Variants in KMO observed in about 807,000 individuals in gnomAD.
KMO encodes the protein kynurenine 3-hydroxylase.
KMO carries 24 observed loss-of-function variants against 57.8 expected under a neutral mutation model. The observed-to-expected ratio is 0.42, with a 90% confidence interval of 0.30 to 0.58. KMO has a LOEUF of 0.58. Among genes scored for constraint, KMO ranks in the 20% least tolerant of loss-of-function variants. The pLI is 0.22. For missense variants in KMO, 483 were observed against 588.2 expected (o/e 0.82, Z 1.85); for synonymous variants, 210 against 193.6 (o/e 1.08, Z -0.70).
intron 10 of KMO, among the ~76,000 whole-genome samples, chr1:241,578,921 G>A (rs1236215300): frequency 6.6e-6 from 1 of 152,070 alleles, no homozygotes; most frequent in Non-Finnish European, 1.5e-5. Flanking sequence ...TGAGAGCCAA[G>A]TGAAAGGGTT....
rs1171178139 is a variant in KMO, at chr1:241,595,484, G to A, written c.*3331G>A. 1 of 152,202 alleles carries A rather than the reference G, an allele frequency of 6.6e-6. No homozygotes were observed. The highest frequency in any genetic ancestry group is 2.4e-5 in the African/African-American group (1 of 41,446). 9.4% of individuals were successfully genotyped at this position (152,202 alleles called of 1,614,324 possible). A position where few individuals can be genotyped will look rare whatever the true frequency, so the allele number is the denominator to read the frequency against. ...AAACTCTGTATTAATTCACTGAAAT[G>A]TTGGGGTTGCTTGTTATAGTAGTCG... On this transcript the variant is annotated 3_prime_UTR_variant, in exon 15 of 15. Coordinates refer to ENST00000366559, the MANE Select transcript of KMO (RefSeq NM_003679.5).
Position 241,548,907 on chromosome 1 carries a change from A to T in KMO, c.124+9A>T. On this transcript the variant is annotated intron_variant, in intron 2 of 14. Transcript: ENST00000366559. ...ATATGAAGCTAGGGAAGGTACGTCC[A>T]TGGTGAAAAAAGCAGGATGAACGCT... The T allele has an allele frequency of 6.3e-7, 1 of 1,593,868 alleles. No homozygotes were observed. The highest frequency in any genetic ancestry group is 8.6e-7 in the Non-Finnish European group (1 of 1,162,304).
chr1:241,588,231 T>C (rs1663088452), intron 11 of KMO, among the ~76,000 whole-genome samples: 1 of 151,852 alleles, frequency 6.6e-6, no homozygotes, highest in Non-Finnish European at 1.5e-5. Context: ...AAGTTCATAG[T>C]ATATGTTTGC....
chr1:241,541,443 G>T (rs1660955158), intron 1 of KMO, among the ~76,000 whole-genome samples: 1 of 152,190 alleles, frequency 6.6e-6, no homozygotes, highest in Non-Finnish European at 1.5e-5. Flanking sequence ...ATGGGAATAA[G>T]TCAACTTTTA....
chr1:241,562,583 T>C (rs895339652), intron 7 of KMO, among the ~76,000 whole-genome samples: 1 of 152,188 alleles, frequency 6.6e-6, no homozygotes, highest in Non-Finnish European at 1.5e-5. Context: ...CTCATGCCTG[T>C]AATCCCAGCA....
chr1:241,537,990 G>T (rs545815635), intron 1 of KMO, among the ~76,000 whole-genome samples: 3 of 152,230 alleles, frequency 2.0e-5, no homozygotes, highest in Non-Finnish European at 4.4e-5. Context: ...GCAAGGAGAT[G>T]GAAGAACAGC....
chr1:241,569,770 C>A (rs1662210443), intron 10 of KMO, among the ~76,000 whole-genome samples: 1 of 152,000 alleles, frequency 6.6e-6, no homozygotes, highest in Admixed American at 6.6e-5. Flanking sequence ...ATTTATACTC[C>A]CACCAAACGA....
At chr1:241,549,237 GAAAGAAAGAAAGAAA>G (rs1558414805) in intron 2 of KMO, among the ~76,000 whole-genome samples, 761 of 15,342 alleles carry the variant, frequency 0.05, 41 homozygotes, top group African/African-American at 0.082. Flanking sequence ...AAGAAAGAAA[GAAAGAAAGAAAGAAA>G]GAAAGAAAGA....
chr1:241,550,907 A>T, intron 3 of KMO, 48 bp from the exon 4 acceptor site: 1 of 826,408 alleles, frequency 1.2e-6, no homozygotes, highest in East Asian at 2.9e-5. Context: ...TTTCTTGCAT[A>T]ATGCCATGTT....
At chr1:241,561,342 C>A (rs1195284999) in intron 6 of KMO, among the ~76,000 whole-genome samples, 1 of 152,196 alleles carries the variant, frequency 6.6e-6, no homozygotes, top group Non-Finnish European at 1.5e-5. Flanking sequence ...ACCTACTTCT[C>A]CCAAATCACA....
At chr1:241,548,305 G>A (rs1661230583) in intron 1 of KMO, among the ~76,000 whole-genome samples, 1 of 152,074 alleles carries the variant, frequency 6.6e-6, no homozygotes, top group Non-Finnish European at 1.5e-5. Context: ...TAAAATTAAA[G>A]TATATTGCTT....
At chr1:241,558,501 C>T (rs1341892020) in intron 5 of KMO, among the ~76,000 whole-genome samples, 3 of 152,162 alleles carry the variant, frequency 2.0e-5, no homozygotes, top group Non-Finnish European at 2.9e-5. Context: ...GATTTCCCTA[C>T]GTCGGCATTT....
intron 10 of KMO, among the ~76,000 whole-genome samples, chr1:241,569,601 T>C (rs905203159): frequency 6.6e-6 from 1 of 152,192 alleles, no homozygotes; most frequent in Non-Finnish European, 1.5e-5. Context: ...CTATTGTGAA[T>C]AGTGCTGCAA....
chr1:241,581,006 C>T (rs1354863963), intron 10 of KMO, among the ~76,000 whole-genome samples: 2 of 152,012 alleles, frequency 1.3e-5, no homozygotes, highest in African/African-American at 4.8e-5. Flanking sequence ...TATCTGGGTG[C>T]TCCTGTGTTG....
intron 1 of KMO, among the ~76,000 whole-genome samples, chr1:241,547,404 ACT>A (rs1661190273): frequency 6.6e-6 from 1 of 152,034 alleles, no homozygotes; most frequent in South Asian, 2.1e-4. Context: ...CTATATTCAG[ACT>A]CTATGAACAA....
At chr1:241,567,291 G>A (rs1662119171) in intron 9 of KMO, among the ~76,000 whole-genome samples, 1 of 152,220 alleles carries the variant, frequency 6.6e-6, no homozygotes, top group Non-Finnish European at 1.5e-5. Flanking sequence ...GCTGAGAAGT[G>A]TAAGATCAAG....
At chr1:241,575,734 T>C (rs981795085) in intron 10 of KMO, among the ~76,000 whole-genome samples, 2 of 152,090 alleles carry the variant, frequency 1.3e-5, no homozygotes, top group African/African-American at 4.8e-5. Flanking sequence ...ATGAGAAGAA[T>C]GTACATTCTG....
intron 10 of KMO, among the ~76,000 whole-genome samples, chr1:241,570,979 C>A (rs1318686305): frequency 1.3e-5 from 2 of 151,972 alleles, no homozygotes; most frequent in Non-Finnish European, 2.9e-5. Context: ...TTATAGTTTT[C>A]ATTGTAGAGA....
intron 1 of KMO, among the ~76,000 whole-genome samples, chr1:241,538,539 G>A (rs1331115372): frequency 3.3e-5 from 5 of 152,218 alleles, no homozygotes; most frequent in African/African-American, 1.2e-4. Context: ...ATGACTTTTA[G>A]CTATATGGGC....
Sources: gnomAD v4.1 joint callset for allele counts (sites outside exome capture counted in the v4.1 genomes callset) on GRCh38, gnomAD v4.1.1 for gene constraint, MANE v1.5 for transcripts, NCBI Gene and HGNC (gene_info 2026-07-23, HGNC 2026-07-21) for gene names.